The following CFAP54 variants were observed in gnomAD, a reference collection of about 807,000 sequenced individuals.
CFAP54 encodes the protein cilia- and flagella-associated protein 54.
Under a neutral mutation model 370.4 loss-of-function variants are expected in CFAP54, and 290 were observed. The observed-to-expected ratio is 0.78, with a 90% CI of 0.71 to 0.86. CFAP54 has a LOEUF of 0.86. Among genes scored for constraint, CFAP54 ranks in the 40% least tolerant of loss-of-function variants. The pLI is 0.00. For synonymous variants in CFAP54, 1,206 were observed against 1,236.5 expected (o/e 0.98, Z 0.52); for missense variants, 3,399 against 3,528.7 (o/e 0.96, Z 0.93).
chr12:96,506,584 C>T (rs1416975159), intron 3 of CFAP54, among the ~76,000 whole-genome samples: 10 of 119,226 alleles, frequency 8.4e-5, no homozygotes, highest in African/African-American at 1.3e-4. Flanking sequence ...TCTTTCTTTT[C>T]TTTTCTTTTT....
At chr12:96,720,612 C>T in intron 50 of CFAP54, 47 bp downstream of exon 50, 1 of 1,301,854 alleles carries the variant, frequency 7.7e-7, no homozygotes, top group Non-Finnish European at 9.9e-7. Flanking sequence ...AAGAGAGTTC[C>T]TTCACCCTAG....
intron 19 of CFAP54, among the ~76,000 whole-genome samples, chr12:96,569,671 C>T (rs550324116): frequency 1.7e-4 from 26 of 152,290 alleles, no homozygotes; most frequent in African/African-American, 6.3e-4. Context: ...TTCCAAATTC[C>T]ACTCTAAGCA....
intron 55 of CFAP54, among the ~76,000 whole-genome samples, chr12:96,745,084 T>G (rs1169567231): frequency 6.6e-6 from 1 of 152,244 alleles, no homozygotes; most frequent in East Asian, 1.9e-4. Flanking sequence ...TTATCCAGTC[T>G]ATCATTGATG....
intron 26 of CFAP54, among the ~76,000 whole-genome samples, chr12:96,609,405 T>G (rs1956331903): frequency 6.6e-6 from 1 of 152,174 alleles, no homozygotes; most frequent in South Asian, 2.1e-4. Context: ...CTAATAAAAT[T>G]TCTAATAAAT....
At chr12:96,630,257 T>C (rs2136474949) in intron 31 of CFAP54, 53 bp downstream of exon 31, 2 of 910,512 alleles carry the variant, frequency 2.2e-6, no homozygotes, top group African/African-American at 1.7e-5. Flanking sequence ...GAGATTCATG[T>C]ATCTAGAGAT....
chr12:96,635,136 G>T (rs7299865), intron 32 of CFAP54, among the ~76,000 whole-genome samples: 2,462 of 152,028 alleles, frequency 0.016, 35 homozygotes, highest in African/African-American at 0.036. Context: ...TCTATTTCTT[G>T]TACCATTTCA....
At chr12:96,560,137 A>G (rs1684276048) in intron 17 of CFAP54, among the ~76,000 whole-genome samples, 1 of 152,178 alleles carries the variant, frequency 6.6e-6, no homozygotes, top group Non-Finnish European at 1.5e-5. Context: ...AGAACATCTC[A>G]AATCTTCTAG....
chr12:96,516,240 A>G (rs749922466), intron 5 of CFAP54, among the ~76,000 whole-genome samples: 1 of 152,094 alleles, frequency 6.6e-6, no homozygotes, highest in Non-Finnish European at 1.5e-5. Flanking sequence ...TATAATAGAT[A>G]AGGAAGCTGA....
chr12:96,630,757 C>A, intron 32 of CFAP54, 106 bp downstream of exon 32: 1 of 543,692 alleles, frequency 1.8e-6, no homozygotes, highest in Non-Finnish European at 2.9e-6. Context: ...CAGGTGAAAT[C>A]ACTGCCTTCA....
At chr12:96,504,272 T>G (rs1397903355) in intron 3 of CFAP54, among the ~76,000 whole-genome samples, 1 of 152,238 alleles carries the variant, frequency 6.6e-6, no homozygotes, top group Non-Finnish European at 1.5e-5. Context: ...TAATAACTAA[T>G]ACTTGTAGAG....
chr12:96,747,939 C>A (rs1325869858), intron 55 of CFAP54, among the ~76,000 whole-genome samples: 2 of 152,072 alleles, frequency 1.3e-5, no homozygotes, highest in East Asian at 3.9e-4. Context: ...TTATCTTTGT[C>A]AGTTTGATCA....
chr12:96,610,317 T>A (rs1956343144), intron 26 of CFAP54, among the ~76,000 whole-genome samples: 1 of 151,974 alleles, frequency 6.6e-6, no homozygotes, highest in Admixed American at 6.6e-5. Context: ...CAAAATGAAG[T>A]CTAGGTGGAT....
chr12:96,490,724 A>G (rs1044659993), intron 1 of CFAP54, among the ~76,000 whole-genome samples: 3 of 141,356 alleles, frequency 2.1e-5, no homozygotes, highest in Non-Finnish European at 4.8e-5. Flanking sequence ...ATAAAATAAA[A>G]TATTTTTTAT....
intron 4 of CFAP54, 44 bp downstream of exon 4, chr12:96,507,143 G>A (rs1317647722): frequency 2.9e-6 from 4 of 1,394,290 alleles, no homozygotes; most frequent in Non-Finnish European, 2.8e-6. Flanking sequence ...CTTTCAGAAA[G>A]TTACTTCAAT....
intron 36 of CFAP54, among the ~76,000 whole-genome samples, chr12:96,652,685 A>G (rs534999240): frequency 6.6e-6 from 1 of 152,350 alleles, no homozygotes; most frequent in African/African-American, 2.4e-5. Flanking sequence ...AAAGATGCCA[A>G]ATAAAGGGTA....
chr12:96,535,633 T>C, intron 12 of CFAP54, 33 bp downstream of exon 12: 2 of 1,437,368 alleles, frequency 1.4e-6, no homozygotes, highest in Non-Finnish European at 1.9e-6. Flanking sequence ...TTTTTATTAG[T>C]GTGGAAGGAG....
chr12:96,633,592 A>G (rs1956631908), intron 32 of CFAP54, among the ~76,000 whole-genome samples: 1 of 152,216 alleles, frequency 6.6e-6, no homozygotes, highest in South Asian at 2.1e-4. Flanking sequence ...AGAGTCACCC[A>G]AGTTGTGTGT....
chr12:96,525,650 T>TA (rs1237790749), intron 8 of CFAP54, among the ~76,000 whole-genome samples: 1 of 152,194 alleles, frequency 6.6e-6, no homozygotes, highest in Non-Finnish European at 1.5e-5. Flanking sequence ...GAAAAACTCT[T>TA]ACCTCTGTAA....
At chr12:96,501,047 A>G in intron 2 of CFAP54, 108 bp downstream of exon 2, 1 of 611,312 alleles carries the variant, frequency 1.6e-6, no homozygotes, top group South Asian at 3.1e-5. Context: ...TTTTTCTCTT[A>G]GAAAAAAATA....
Sources: gnomAD v4.1 joint callset for allele counts (sites outside exome capture counted in the v4.1 genomes callset) on GRCh38, gnomAD v4.1.1 for gene constraint, MANE v1.5 for transcripts, NCBI Gene and HGNC (gene_info 2026-07-23, HGNC 2026-07-21) for gene names.